Variants in RALGAPA2 observed in about 807,000 individuals in gnomAD.
RALGAPA2 encodes the protein ral GTPase-activating protein subunit alpha-2.
Under a neutral mutation model 230.4 loss-of-function variants are expected in RALGAPA2, and 139 were observed. That is an observed-to-expected ratio of 0.60 (90% CI 0.53 to 0.69). RALGAPA2 has a LOEUF of 0.69. Among genes scored for constraint, RALGAPA2 ranks in the 30% least tolerant of loss-of-function variants. The probability of loss-of-function intolerance (pLI) is 0.00; values close to 1 mark genes in which losing one functional copy is unlikely to be tolerated. For synonymous variants in RALGAPA2, 847 were observed against 837.8 expected (o/e 1.01, Z -0.19); for missense variants, 2,163 against 2,276.0 (o/e 0.95, Z 1.01).
At chr20:20,572,469 T>C (rs1420898697) in intron 21 of RALGAPA2, among the ~76,000 whole-genome samples, 1 of 151,238 alleles carries the variant, frequency 6.6e-6, no homozygotes, top group African/African-American at 2.4e-5. Context: ...AAAACTTGTA[T>C]GTACTCTAAG....
At chr20:20,510,095 C>G (rs972918701) in intron 33 of RALGAPA2, among the ~76,000 whole-genome samples, 19 of 152,128 alleles carry the variant, frequency 1.2e-4, no homozygotes, top group African/African-American at 4.3e-4. Context: ...AACAATAAAA[C>G]CATCACAAAG....
chr20:20,680,589 G>A, intron 2 of RALGAPA2, 102 bp downstream of exon 2: 1 of 1,389,626 alleles, frequency 7.2e-7, no homozygotes, highest in Non-Finnish European at 9.4e-7. Flanking sequence ...TAAAGGCTTG[G>A]CAAGAAAGAA....
intron 1 of RALGAPA2, among the ~76,000 whole-genome samples, chr20:20,698,320 G>A (rs2069200262): frequency 6.6e-6 from 1 of 151,530 alleles, no homozygotes; most frequent in Non-Finnish European, 1.5e-5. Flanking sequence ...GTCCAGGCTG[G>A]AGTGCAGTGG....
intron 37 of RALGAPA2, among the ~76,000 whole-genome samples, chr20:20,451,761 C>T (rs1326079584): frequency 6.6e-6 from 1 of 152,052 alleles, no homozygotes; most frequent in African/African-American, 2.4e-5. Context: ...TTAGAAGATC[C>T]CATGTATTTA....
At chr20:20,624,185 G>A (rs1421898747) in intron 10 of RALGAPA2, among the ~76,000 whole-genome samples, 1 of 152,030 alleles carries the variant, frequency 6.6e-6, no homozygotes, top group Non-Finnish European at 1.5e-5. Context: ...AAATTAGCTG[G>A]GTGTGGTGAT....
Position 20,640,868 on chromosome 20 carries a change from T to C in RALGAPA2, c.383A>G (p.Glu128Gly), listed in dbSNP as rs764359607. The stretch of plus-strand genomic sequence containing the variant: ...CCACAGAAGAAACAGCCTGATTCCT[T>C]CACATCTTATCTAAAACAAAATTAA... ...HTGNSIKIRC[E>G]GIRLFLLWLQ... Residue 128 changes from glutamate to glycine, a missense_variant, in exon 6 of 40, where the codon GAA (glutamate) becomes GGA (glycine). Coordinates refer to ENST00000202677, the MANE Select transcript of RALGAPA2 (RefSeq NM_020343.4). 11 of 1,608,262 alleles carry C rather than the reference T, an allele frequency of 6.8e-6. No homozygotes were observed. Among genetic ancestry groups the C allele is most frequent in the Non-Finnish European group, 9.4e-6 (11 of 1,176,162 alleles).
rs540151533 is a variant in RALGAPA2, at chr20:20,591,818, C to T, written c.2204-504G>A. Among the ~76,000 whole-genome samples the T allele has an allele frequency of 1.8e-4, 28 of 152,254 alleles. No individual in the cohort carries two copies. The South Asian group carries it at 5.6e-3, about 30-fold the overall frequency. Reference sequence around the variant, plus strand: ...ATAAAATGCTATAGTTATGTAATGGCTTATTTCATCAAATGCAATGCTGAA... The same window carrying T: ...ATAAAATGCTATAGTTATGTAATGGTTTATTTCATCAAATGCAATGCTGAA... On this transcript the variant is annotated intron_variant, in intron 16 of 39. Coordinates refer to ENST00000202677, the MANE Select transcript of RALGAPA2 (RefSeq NM_020343.4).
chr20:20,601,531 C>A, intron 16 of RALGAPA2, 151 bp downstream of exon 16: 1 of 683,572 alleles, frequency 1.5e-6, no homozygotes, highest in South Asian at 3.7e-5. Flanking sequence ...GAAAAGTAAC[C>A]AGAGCATAAA....
chr20:20,524,276 A>G (rs572144233), intron 30 of RALGAPA2, 130 bp downstream of exon 30: 1 of 1,282,802 alleles, frequency 7.8e-7, no homozygotes, highest in Admixed American at 2.5e-5. Context: ...CTTTTTAAGA[A>G]AACGTTTAAG....
intron 4 of RALGAPA2, among the ~76,000 whole-genome samples, chr20:20,647,492 A>G (rs1325013125): frequency 6.6e-6 from 1 of 152,266 alleles, no homozygotes; most frequent in Non-Finnish European, 1.5e-5. Flanking sequence ...AAATGGATCA[A>G]AGACCTAAAC....
intron 24 of RALGAPA2, among the ~76,000 whole-genome samples, chr20:20,545,781 T>C (rs2063759915): frequency 6.6e-6 from 1 of 152,206 alleles, no homozygotes; most frequent in South Asian, 2.1e-4. Context: ...AAGATATTGC[T>C]TTGGCCATGT....
intron 16 of RALGAPA2, among the ~76,000 whole-genome samples, chr20:20,596,183 T>A (rs1198866526): frequency 1.3e-5 from 2 of 152,160 alleles, no homozygotes; most frequent in Non-Finnish European, 2.9e-5. Flanking sequence ...CCACCCAAAA[T>A]TCTGCTGCTG....
At chr20:20,477,473 T>A (rs976157698) in intron 36 of RALGAPA2, among the ~76,000 whole-genome samples, 6 of 152,238 alleles carry the variant, frequency 3.9e-5, no homozygotes, top group Admixed American at 3.9e-4. Flanking sequence ...TGCTTTTTAC[T>A]TTGTAAACAG....
chr20:20,568,862 A>G (rs1274268881), intron 23 of RALGAPA2, among the ~76,000 whole-genome samples: 1 of 152,234 alleles, frequency 6.6e-6, no homozygotes, highest in Non-Finnish European at 1.5e-5. Flanking sequence ...GTTCAATTTT[A>G]AACAATTATT....
chr20:20,543,430 C>CGT (rs761648851), intron 24 of RALGAPA2, among the ~76,000 whole-genome samples: 19 of 152,108 alleles, frequency 1.2e-4, no homozygotes, highest in Non-Finnish European at 2.5e-4. Context: ...CACATGCACA[C>CGT]GTGTGTTTAT....
intron 37 of RALGAPA2, among the ~76,000 whole-genome samples, chr20:20,466,714 C>T (rs1352777558): frequency 6.6e-6 from 1 of 152,154 alleles, no homozygotes; most frequent in Non-Finnish European, 1.5e-5. Flanking sequence ...GCTGGTGTGG[C>T]TGGCTGTTGC....
rs1387785841 is a variant in RALGAPA2 at position 20,712,336 on chromosome 20, ACCCGGCGC to A, written c.106+31_106+38del. On this transcript the variant is annotated intron_variant, in intron 1 of 39. Transcript: ENST00000202677. This position sits in a 1 kb window ranked among gnomAD's most constrained non-coding sequence, Gnocchi z 5.5. ...AGCGCCCTCCCGGCAGGTGCCCCTAACCCGGCGCCCCGACCCCCGCGCCCGGCGCGCGC... is the reference window on the plus strand; with the variant it reads ...AGCGCCCTCCCGGCAGGTGCCCCTAACCCGACCCCCGCGCCCGGCGCGCGC... The A allele has an allele frequency of 1.3e-6, 2 of 1,540,662 alleles. No individual in the cohort carries two copies. Among genetic ancestry groups the A allele is most frequent in the Non-Finnish European group, 1.8e-6 (2 of 1,141,916 alleles).
chr20:20,592,262 T>C (rs538818114), intron 16 of RALGAPA2, among the ~76,000 whole-genome samples: 40 of 152,304 alleles, frequency 2.6e-4, no homozygotes, highest in Middle Eastern at 3.4e-3. Flanking sequence ...TTGTTAGAGA[T>C]TCGTCAAACA....
chr20:20,688,801 A>G (rs2068794964), intron 1 of RALGAPA2, among the ~76,000 whole-genome samples: 1 of 152,260 alleles, frequency 6.6e-6, no homozygotes, highest in Admixed American at 6.5e-5. Flanking sequence ...GCATTCCTGA[A>G]GGTCACAGCA....
Sources: allele counts gnomAD v4.1 joint callset (sites outside exome capture counted in the v4.1 genomes callset), GRCh38; gene constraint gnomAD v4.1.1; non-coding constraint Gnocchi (gnomAD v3.1); transcripts MANE v1.5; gene names NCBI Gene and HGNC (gene_info 2026-07-23, HGNC 2026-07-21).